The following DDB1 variants were observed in gnomAD, a reference collection of about 807,000 sequenced individuals.
DDB1 encodes the protein damage specific DNA binding protein 1.
Under a neutral mutation model 133.1 loss-of-function variants are expected in DDB1, and 18 were observed. The observed-to-expected ratio is 0.14, with a 90% CI of 0.09 to 0.20. The LOEUF is 0.20. DDB1 is among the 10% of genes least tolerant of loss of function. The probability of loss-of-function intolerance (pLI) is 1.00; values close to 1 mark genes in which losing one functional copy is unlikely to be tolerated. For missense variants in DDB1, 828 were observed against 1,459.2 expected (o/e 0.57, Z 7.05); for synonymous variants, 580 against 550.5 (o/e 1.05, Z -0.75).
intron 21 of DDB1, among the ~76,000 whole-genome samples, chr11:61,305,291 G>A (rs1473611756): frequency 2.0e-5 from 3 of 152,160 alleles, no homozygotes; most frequent in Non-Finnish European, 2.9e-5. Flanking sequence ...GGCGGATCAC[G>A]AGGTCAGGAG....
intron 1 of DDB1, 75 bp downstream of exon 1, chr11:61,332,833 G>A: frequency 2.3e-6 from 3 of 1,305,418 alleles, no homozygotes; most frequent in Non-Finnish European, 2.0e-6. Context: ...CCGCCCCCGG[G>A]GCGGCGGGCC....
At chr11:61,332,820 CGGCCGCCCCCGGGGCGGCGGGCCTCCCTA>C (rs1856424297) in intron 1 of DDB1, 59 bp downstream of exon 1, 12 of 1,240,608 alleles carry the variant, frequency 9.7e-6, no homozygotes, top group Non-Finnish European at 3.2e-6. Flanking sequence ...CACTCCTGCC[CGGCCGCCCCCGGGGCGGCGGGCCTCCCTA>C]GGCCGCGGCT....
chr11:61,303,771 TA>T, intron 22 of DDB1, 93 bp downstream of exon 22: 1 of 1,103,256 alleles, frequency 9.1e-7, no homozygotes, highest in Non-Finnish European at 1.3e-6. Flanking sequence ...TTTCTGCCCC[TA>T]ATACTGGGCT....
chr11:61,304,222 C>T (rs371937970), intron 21 of DDB1, among the ~76,000 whole-genome samples, 187 bp from the exon 22 acceptor site: 2 of 152,170 alleles, frequency 1.3e-5, no homozygotes, highest in African/African-American at 4.8e-5. Context: ...AATATGAAAA[C>T]ACAATGAACA....
In DDB1 at chr11:61,300,341, T is replaced by C. The variant is rs908758103; in HGVS notation, c.3340-122A>G. 4.8e-6 allele frequency: 5 copies of C among 1,047,632 alleles called. No individual in the cohort carries two copies. In the African/African-American group the frequency reaches 7.9e-5, roughly 17 times the overall value. The allele number at this position is 1,047,632 out of a possible 1,614,324, so 64.9% of individuals were successfully genotyped here. A position where few individuals can be genotyped will look rare whatever the true frequency, so the allele number is the denominator to read the frequency against. ...ACCATTGTCATGGCAGAGGAAGGAC[T>C]CACCAGAAACCCACGCCTCCCCCTG... On this transcript the variant is annotated intron_variant, in intron 26 of 26. Coordinates refer to ENST00000301764, the MANE Select transcript of DDB1 (RefSeq NM_001923.5).
intron 10 of DDB1, among the ~76,000 whole-genome samples, chr11:61,318,884 C>T (rs1856132352): frequency 6.6e-6 from 1 of 152,156 alleles, no homozygotes. Context: ...TATCAATTAT[C>T]CCAAAAACAC....
intron 5 of DDB1, chr11:61,326,104 A>G: frequency 3.5e-6 from 1 of 286,310 alleles, no homozygotes. Flanking sequence ...GCTACCACTG[A>G]GAAGAGCCAA....
At chr11:61,303,592 T>C (rs1299724471) in intron 22 of DDB1, among the ~76,000 whole-genome samples, 1 of 150,046 alleles carries the variant, frequency 6.7e-6, no homozygotes, top group Non-Finnish European at 1.5e-5. Flanking sequence ...TAGTCCCAGT[T>C]ACTTGGGAGA....
Position 61,300,080 on chromosome 11 carries a change from A to G in DDB1, c.*56T>C. On this transcript the variant is annotated 3_prime_UTR_variant, in exon 27 of 27. Coordinates refer to ENST00000301764, the MANE Select transcript of DDB1 (RefSeq NM_001923.5). ...GAAGACGATGGTGGAGAGGAGGGGG[A>G]GGGCAGCAGGGCAAAGCCTTTGGGG... 1 of 1,550,308 alleles carries G rather than the reference A, an allele frequency of 6.5e-7. No individual in the cohort carries two copies. The highest frequency in any genetic ancestry group is 8.9e-7 in the Non-Finnish European group (1 of 1,123,928).
chr11:61,302,206 A>C, intron 25 of DDB1, 51 bp downstream of exon 25: 1 of 1,494,692 alleles, frequency 6.7e-7, no homozygotes, highest in Non-Finnish European at 9.3e-7. Context: ...TCCGTGTGCC[A>C]CATATGCCGG....
chr11:61,303,721 AAAAC>A, intron 22 of DDB1, 140 bp downstream of exon 22: 1 of 939,684 alleles, frequency 1.1e-6, no homozygotes, highest in African/African-American at 1.7e-5. Flanking sequence ...AAAAAAAAAA[AAAAC>A]TTAATCAATG....
Position 61,324,039 on chromosome 11 carries a change from C to T in DDB1, c.861G>A (p.Lys287=). The T allele has an allele frequency of 1.2e-6, 2 of 1,614,202 alleles. No individual in the cohort carries two copies. Among genetic ancestry groups the T allele is most frequent in the African/African-American group, 1.3e-5 (1 of 75,044 alleles). ...EGRLFMLLLE[K]EEQMDGTVTL... is the part of the protein sequence containing the mutation. ...TGACGGTGCCATCCATCTGTTCCTCCTTCTCCAAAAGCAGCATGAAGAGCC... is the reference window on the plus strand; with the variant it reads ...TGACGGTGCCATCCATCTGTTCCTCTTTCTCCAAAAGCAGCATGAAGAGCC... The change falls in exon 7 of 27, where the codon AAG becomes AAA. Residue 287 remains lysine (K), a synonymous_variant. Transcript: ENST00000301764.
intron 5 of DDB1, among the ~76,000 whole-genome samples, chr11:61,326,547 C>T (rs1372848515): frequency 1.3e-5 from 2 of 152,012 alleles, no homozygotes; most frequent in Non-Finnish European, 2.9e-5. Flanking sequence ...TCCCTCCACC[C>T]AAGTAAAAGA....
intron 21 of DDB1, among the ~76,000 whole-genome samples, chr11:61,307,533 A>C (rs1439982302): frequency 6.6e-6 from 1 of 152,058 alleles, no homozygotes; most frequent in Admixed American, 6.6e-5. Flanking sequence ...TCTTCACCCT[A>C]TCTCTGAAAT....
intron 6 of DDB1, chr11:61,324,527 G>T (rs1169410363): frequency 5.3e-6 from 1 of 188,622 alleles, no homozygotes; most frequent in Non-Finnish European, 1.1e-5. Flanking sequence ...CACAGATTTT[G>T]TTCTTTTTTT....
At position 61,313,622 on chromosome 11, in the gene DDB1, A is replaced by G. The variant is rs781652682; in HGVS notation, c.1946T>C (p.Val649Ala). ...RTFRSLSTTN[V>A]FACSDRPTVI... ...AGTGGGGCGGTCAGAACAAGCAAAG[A>G]CGTTGGTGGTAGAAAGAGAACGAAA... Residue 649 changes from valine to alanine, a missense_variant, in exon 16 of 27, where the codon GTC (valine) becomes GCC (alanine). By Grantham distance (64) the Val-to-Ala change is moderately conservative (BLOSUM62 0). Transcript: ENST00000301764. 2.5e-6 allele frequency: 4 copies of G among 1,614,140 alleles called. No homozygotes were observed. The highest frequency in any genetic ancestry group is 3.4e-6 in the Non-Finnish European group (4 of 1,180,032).
Position 61,309,097 on chromosome 11 carries a change from G to GT in DDB1, c.2567-21dup. The GT allele has an allele frequency of 1.2e-6, 2 of 1,610,362 alleles. No homozygotes were observed. Among genetic ancestry groups the GT allele is most frequent in the Non-Finnish European group, 1.7e-6 (2 of 1,176,698 alleles). ...GTTTTCCTGGGGGTGGAAAAAATAT[G>GT]TTTGAGTCTCTATGAGCCCACACTT... On this transcript the variant is annotated intron_variant, in intron 20 of 26. Transcript: ENST00000301764.
chr11:61,306,690 T>C (rs973068572), intron 21 of DDB1, among the ~76,000 whole-genome samples: 4 of 152,322 alleles, frequency 2.6e-5, no homozygotes, highest in Middle Eastern at 3.4e-3. Context: ...CAGATGCTCA[T>C]AGTCCACCAC....
At chr11:61,332,769 G>T in intron 1 of DDB1, 139 bp downstream of exon 1, 1 of 679,954 alleles carries the variant, frequency 1.5e-6, no homozygotes, top group Non-Finnish European at 2.2e-6. Context: ...GCGGTGCTGG[G>T]GGAGGTTCCT....
Sources: gnomAD v4.1 joint callset for allele counts (sites outside exome capture counted in the v4.1 genomes callset) on GRCh38, gnomAD v4.1.1 for gene constraint, MANE v1.5 for transcripts, NCBI Gene and HGNC (gene_info 2026-07-23, HGNC 2026-07-21) for gene names.